PHEX: variants seen among roughly 807,000 people sequenced by gnomAD.
PHEX encodes phosphate regulating endopeptidase X-linked.
Under a neutral mutation model 68.0 loss-of-function variants are expected in PHEX, and 16 were observed. That is an observed-to-expected ratio of 0.24 (90% confidence interval 0.16 to 0.36). The LOEUF (loss-of-function observed/expected upper bound fraction) is 0.36. Ranked by LOEUF, PHEX falls within the 10% of genes least tolerant of loss-of-function variation. The pLI is 1.00. For synonymous variants in PHEX, 208 were observed against 205.1 expected (o/e 1.01, Z -0.12); for missense variants, 480 against 575.5 (o/e 0.83, Z 1.70).
At position 22,249,972 on chromosome X, in the gene PHEX, T is replaced by C. The variant is rs769805151; in HGVS notation, c.*2019T>C. ...TTGGAAAGACAAACTAAGTCACTTG[T>C]TGGTTTAGCAAAACTGGTTGGTGAT... On this transcript the variant is annotated 3_prime_UTR_variant, in exon 22 of 22. Transcript: ENST00000379374. 7 of 111,799 alleles carry C rather than the reference T, an allele frequency of 6.3e-5. No homozygotes were observed. The highest frequency in any genetic ancestry group is 1.1e-4 in the Non-Finnish European group (6 of 53,149). The allele number at this position is 111,799 out of a possible 1,213,427, so 9.2% of individuals were successfully genotyped here.
At chrX:22,181,449 T>G (rs1933879829) in intron 14 of PHEX, among the ~76,000 whole-genome samples, 1 of 112,135 alleles carries the variant, frequency 8.9e-6, no homozygotes, top group Non-Finnish European at 1.9e-5. Flanking sequence ...GTGTCTGTTT[T>G]TATGCCAATA....
intron 9 of PHEX, among the ~76,000 whole-genome samples, chrX:22,108,872 G>A (rs1182320573): frequency 9.3e-6 from 1 of 107,497 alleles, no homozygotes; most frequent in Non-Finnish European, 1.9e-5. Context: ...AACCTAGGAG[G>A]CAGAGGTTGC....
At chrX:22,214,769 G>A (rs1935031907) in intron 16 of PHEX, among the ~76,000 whole-genome samples, 5 of 111,562 alleles carry the variant, frequency 4.5e-5, no homozygotes, top group African/African-American at 1.6e-4. Context: ...AATAGTGAGG[G>A]CTACGAGGAC....
chrX:22,184,693 G>C (rs765953928), intron 14 of PHEX, among the ~76,000 whole-genome samples: 5 of 111,990 alleles, frequency 4.5e-5, no homozygotes, highest in Admixed American at 3.8e-4. Flanking sequence ...TGAGTTGAAA[G>C]TAATTTCTTT....
chrX:22,045,735 C>G (rs1355185898), intron 2 of PHEX, among the ~76,000 whole-genome samples: 1 of 111,801 alleles, frequency 8.9e-6, no homozygotes, highest in Non-Finnish European at 1.9e-5. Context: ...CATGCCTCTC[C>G]TTCAGCCAAG....
Position 22,126,533 on chromosome X carries a change from A to G in PHEX, c.1303-6990A>G, listed in dbSNP as rs151294345. Among the ~76,000 whole-genome samples the G allele has an allele frequency of 6.2e-3, 698 of 112,102 alleles. 8 individuals are homozygous for G. The highest frequency in any genetic ancestry group is 0.022 in the African/African-American group (676 of 30,891). ...AGAACCATCATGACTCATTTATGCA[A>G]AGTACAGAATTCTTATGTCTATGTG... On this transcript the variant is annotated intron_variant, in intron 11 of 21. Coordinates refer to ENST00000379374, the MANE Select transcript of PHEX (RefSeq NM_000444.6).
intron 13 of PHEX, among the ~76,000 whole-genome samples, chrX:22,176,402 A>ATAT (rs1447357780): frequency 1.1e-3 from 66 of 57,802 alleles, no homozygotes; most frequent in East Asian, 3.4e-3. Context: ...AAAAAAAAAA[A>ATAT]ATATATATAT....
At chrX:22,167,433 A>G (rs927236516) in intron 12 of PHEX, among the ~76,000 whole-genome samples, 23 of 106,420 alleles carry the variant, frequency 2.2e-4, no homozygotes, top group Non-Finnish European at 4.1e-4. Context: ...GACAATTTGC[A>G]TGTCTTCTTT....
intron 20 of PHEX, among the ~76,000 whole-genome samples, chrX:22,240,275 A>C (rs746131300): frequency 5.1e-4 from 57 of 112,362 alleles, no homozygotes; most frequent in African/African-American, 1.8e-3. Context: ...GGTACCAGCC[A>C]CTGAAAAACA....
Position 22,111,578 on chromosome X carries a change from G to T in PHEX, c.1173+18G>T, listed in dbSNP as rs1443503030. ...TCTCAAGGGTAAGTTTAAGAAGATT[G>T]CAGTGTTACATCGCTGGATAACTTT... is the stretch of plus-strand genomic sequence containing the variant. On this transcript the variant is annotated intron_variant, in intron 10 of 21. Transcript: ENST00000379374. The T allele has an allele frequency of 1.9e-6, 2 of 1,060,290 alleles. No homozygotes were observed. The highest frequency in any genetic ancestry group is 2.6e-6 in the Non-Finnish European group (2 of 756,883). The allele number at this position is 1,060,290 out of a possible 1,213,427, so 87.4% of individuals were successfully genotyped here.
At chrX:22,220,172 G>A (rs1054619960) in intron 17 of PHEX, among the ~76,000 whole-genome samples, 4 of 111,242 alleles carry the variant, frequency 3.6e-5, no homozygotes, top group African/African-American at 9.8e-5. Flanking sequence ...TACCCACACA[G>A]TGATTTACAG....
At chrX:22,235,312 C>A (rs1935935508) in intron 20 of PHEX, among the ~76,000 whole-genome samples, 2 of 111,973 alleles carry the variant, frequency 1.8e-5, no homozygotes, top group Admixed American at 9.4e-5. Context: ...TAGTTCTTCT[C>A]GATGTTTCAT....
intron 1 of PHEX, among the ~76,000 whole-genome samples, chrX:22,037,512 T>C (rs1432823748): frequency 2.7e-5 from 3 of 112,340 alleles, no homozygotes; most frequent in African/African-American, 9.7e-5. Flanking sequence ...GCCCAGGTGC[T>C]ACCTGGGGTT....
intron 20 of PHEX, among the ~76,000 whole-genome samples, chrX:22,230,327 G>A (rs1046863395): frequency 1.1e-5 from 1 of 94,366 alleles, no homozygotes; most frequent in Non-Finnish European, 2.1e-5. Flanking sequence ...ATGGTAGCTT[G>A]ATGGGGATAG....
intron 14 of PHEX, among the ~76,000 whole-genome samples, chrX:22,183,881 T>G (rs1293232153): frequency 8.9e-6 from 1 of 111,974 alleles, no homozygotes; most frequent in African/African-American, 3.2e-5. Flanking sequence ...GGATTAGTAA[T>G]TGAAAAACTC....
At chrX:22,033,165 G>A (rs748950116) in intron 1 of PHEX, 42 bp downstream of exon 1, 7 of 978,833 alleles carry the variant, frequency 7.2e-6, no homozygotes, top group South Asian at 1.9e-5. Context: ...GGTGTGTGTC[G>A]AGAAGTTTCC....
intron 7 of PHEX, among the ~76,000 whole-genome samples, chrX:22,095,495 G>T (rs1225797486): frequency 8.9e-6 from 1 of 112,433 alleles, no homozygotes; most frequent in Non-Finnish European, 1.9e-5. Context: ...GGAGTGGCTG[G>T]CAGAGAGCTG....
At position 22,232,596 on chromosome X, in the gene PHEX, C is replaced by CTTTTTTTTTTTTTTTTTTTTTT. The variant is rs745474280; in HGVS notation, c.2070+4994_2070+5015dup. Among the ~76,000 whole-genome samples the CTTTTTTTTTTTTTTTTTTTTTT allele has an allele frequency of 2.0e-3, 37 of 18,555 alleles. 11 individuals are homozygous for CTTTTTTTTTTTTTTTTTTTTTT. The highest frequency in any genetic ancestry group is 2.6e-3 in the African/African-American group (14 of 5,366). 16.1% of individuals were successfully genotyped at this position (18,555 alleles called of 115,157 possible). A position where few individuals can be genotyped will look rare whatever the true frequency, so the allele number is the denominator to read the frequency against. On this transcript the variant is annotated intron_variant, in intron 20 of 21. Transcript: ENST00000379374. ...TCAGAGATTAGGATTGCCACTTCTGCTTTTTTTTTTTTTTTTTTTTTTTTT... is the reference window on the plus strand; with the variant it reads ...TCAGAGATTAGGATTGCCACTTCTGCTTTTTTTTTTTTTTTTTTTTTTTTTTTTTTTTTTTTTTTTTTTTTTT...
At chrX:22,117,377 A>G (rs189642514) in intron 11 of PHEX, among the ~76,000 whole-genome samples, 26 of 112,181 alleles carry the variant, frequency 2.3e-4, no homozygotes, top group Admixed American at 8.5e-4. Context: ...CTGTCTAACT[A>G]TGAGACTTTA....
Sources: gnomAD v4.1 joint callset for allele counts (sites outside exome capture counted in the v4.1 genomes callset) on GRCh38, gnomAD v4.1.1 for gene constraint, MANE v1.5 for transcripts, NCBI Gene and HGNC (gene_info 2026-07-23, HGNC 2026-07-21) for gene names.